Variants in ITGBL1 observed in about 807,000 individuals in gnomAD.
ITGBL1 encodes integrin beta-like protein 1.
In ITGBL1, 51 loss-of-function variants were observed where a neutral mutation model predicts 68.5. The ratio of observed to expected loss-of-function variants is 0.74; its 90% CI spans 0.59 to 0.94. ITGBL1 has a LOEUF of 0.94. Ranked by LOEUF, ITGBL1 falls within the 40% of genes least tolerant of loss-of-function variation. The pLI is 0.00. For missense variants in ITGBL1, 649 were observed against 647.4 expected (o/e 1.00, Z -0.03); for synonymous variants, 209 against 227.3 (o/e 0.92, Z 0.72).
chr13:101,711,999 G>A (rs1015672822), intron 9 of ITGBL1: 1 of 152,154 alleles, frequency 6.6e-6, no homozygotes, highest in Admixed American at 6.6e-5. Context: ...GCCTACATCT[G>A]TCTGATGGAA....
rs140000781 is a variant in ITGBL1, at chr13:101,612,740, A to T, written c.1015+14441A>T. 1.7e-3 allele frequency among the ~76,000 whole-genome samples: 258 copies of T among 152,250 alleles called. 1 individual carries two copies. The highest frequency in any genetic ancestry group is 5.9e-3 in the African/African-American group (245 of 41,552). On this transcript the variant is annotated intron_variant, in intron 7 of 10. Coordinates refer to ENST00000376180, the MANE Select transcript of ITGBL1 (RefSeq NM_004791.3). ...TTAGGAGGCCTGGAGTCTTGTGACC[A>T]CACAAGGGTATGACAGGGTGAGCAC... is the stretch of plus-strand genomic sequence containing the variant.
At chr13:101,558,364 A>G (rs1470004891) in intron 2 of ITGBL1, among the ~76,000 whole-genome samples, 1 of 152,092 alleles carries the variant, frequency 6.6e-6, no homozygotes, top group Non-Finnish European at 1.5e-5. Context: ...TTTGGATATA[A>G]TGTTCATTAT....
Position 101,546,992 on chromosome 13 carries a change from GAAAAT to G in ITGBL1, c.317-20702_317-20698del, listed in dbSNP as rs1322968405. Among the ~76,000 whole-genome samples the G allele has an allele frequency of 5.3e-5, 8 of 151,524 alleles. No homozygotes were observed. In the East Asian group the frequency reaches 1.6e-3, roughly 29 times the overall value. On this transcript the variant is annotated intron_variant, in intron 2 of 10. Transcript: ENST00000376180. ...GAAAGAAAAGAATAATAAAACCAGAGAAAATAAAACACAAAATAAAATCCTATTGA... is the reference window on the plus strand; with the variant it reads ...GAAAGAAAAGAATAATAAAACCAGAGAAAACACAAAATAAAATCCTATTGA...
chr13:101,598,360 G>T (rs1267102030), intron 7 of ITGBL1, 61 bp downstream of exon 7: 15 of 1,263,842 alleles, frequency 1.2e-5, no homozygotes, highest in Non-Finnish European at 1.6e-5. Flanking sequence ...TGAATTCAAT[G>T]CACACACATC....
chr13:101,703,327 C>G (rs1354662324), intron 8 of ITGBL1, among the ~76,000 whole-genome samples: 1 of 152,136 alleles, frequency 6.6e-6, no homozygotes, highest in Non-Finnish European at 1.5e-5. Flanking sequence ...GGGAAAGGTA[C>G]TTCTACCTCT....
chr13:101,692,709 C>G lies in ITGBL1; in HGVS notation c.1132+8C>G. On this transcript the variant is annotated splice_region_variant and intron_variant, in intron 8 of 10. Coordinates refer to ENST00000376180, the MANE Select transcript of ITGBL1 (RefSeq NM_004791.3). ...ATGGTGTGGTCTGTGGAGGTAGTAACCTTTCTCATAGCTGTATGCTACCTG... is the reference window on the plus strand; with the variant it reads ...ATGGTGTGGTCTGTGGAGGTAGTAAGCTTTCTCATAGCTGTATGCTACCTG... The G allele has an allele frequency of 6.4e-7, 1 of 1,567,864 alleles. No individual in the cohort carries two copies. The highest frequency in any genetic ancestry group is 8.8e-7 in the Non-Finnish European group (1 of 1,137,966).
intron 2 of ITGBL1, among the ~76,000 whole-genome samples, chr13:101,456,721 C>T (rs910828615): frequency 5.3e-5 from 8 of 152,126 alleles, no homozygotes; most frequent in Admixed American, 5.2e-4. Flanking sequence ...CAAGACTAGC[C>T]TGGAGAACAT....
At chr13:101,541,456 A>G (rs1052256480) in intron 2 of ITGBL1, among the ~76,000 whole-genome samples, 1 of 152,182 alleles carries the variant, frequency 6.6e-6, no homozygotes, top group Non-Finnish European at 1.5e-5. Context: ...TTGGTTTGCC[A>G]GTATTTTATT....
intron 9 of ITGBL1, chr13:101,711,124 C>T (rs2034445446): frequency 6.6e-6 from 1 of 152,220 alleles, no homozygotes; most frequent in Non-Finnish European, 1.5e-5. Flanking sequence ...GCTACCTTTG[C>T]AAAGTACATG....
intron 2 of ITGBL1, among the ~76,000 whole-genome samples, chr13:101,535,812 C>T (rs987064082): frequency 1.3e-5 from 2 of 152,016 alleles, no homozygotes; most frequent in African/African-American, 4.8e-5. Context: ...TTTTGCAATT[C>T]GAATCTCTTC....
At chr13:101,707,721 C>T (rs567486118) in intron 9 of ITGBL1, among the ~76,000 whole-genome samples, 1 of 151,802 alleles carries the variant, frequency 6.6e-6, no homozygotes, top group Admixed American at 6.6e-5. Flanking sequence ...GGCATTGTGG[C>T]TCACACCTGT....
chr13:101,580,161 A>G (rs568614122), intron 5 of ITGBL1, among the ~76,000 whole-genome samples: 3 of 152,242 alleles, frequency 2.0e-5, no homozygotes, highest in Non-Finnish European at 4.4e-5. Context: ...AATGGCATTA[A>G]AAAGTGATTA....
At chr13:101,555,683 TTTGTG>T (rs1490968251) in intron 2 of ITGBL1, among the ~76,000 whole-genome samples, 1 of 58,968 alleles carries the variant, frequency 1.7e-5, no homozygotes, top group African/African-American at 6.9e-5. Flanking sequence ...ATTTAAGTGT[TTTGTG>T]TGTGTGTGTA....
chr13:101,457,774 C>A (rs1003411273), intron 2 of ITGBL1, among the ~76,000 whole-genome samples: 2 of 151,956 alleles, frequency 1.3e-5, no homozygotes, highest in Non-Finnish European at 2.9e-5. Flanking sequence ...CAAGATTGCG[C>A]CATTGCACTC....
intron 2 of ITGBL1, among the ~76,000 whole-genome samples, chr13:101,559,343 T>G: frequency 6.6e-6 from 1 of 152,210 alleles, no homozygotes; most frequent in East Asian, 1.9e-4. Flanking sequence ...TTGGGGCTAT[T>G]CAATCCAATC....
At chr13:101,692,787 A>T in intron 8 of ITGBL1, 86 bp downstream of exon 8, 1 of 832,224 alleles carries the variant, frequency 1.2e-6, no homozygotes, top group African/African-American at 1.7e-5. Flanking sequence ...TGCTTTTTCA[A>T]TTGCTGTTAA....
intron 10 of ITGBL1, 31 bp from the exon 11 acceptor site, chr13:101,715,531 TA>T: frequency 6.8e-7 from 1 of 1,464,816 alleles, no homozygotes; most frequent in Non-Finnish European, 9.6e-7. Flanking sequence ...ATTTTGATCA[TA>T]ATCATGATAC....
At chr13:101,666,209 G>A (rs568224311) in intron 7 of ITGBL1, among the ~76,000 whole-genome samples, 1 of 152,196 alleles carries the variant, frequency 6.6e-6, no homozygotes, top group African/African-American at 2.4e-5. Context: ...GAACAGCCGG[G>A]CAGCCCCTGG....
At chr13:101,491,686 T>G (rs1299924221) in intron 2 of ITGBL1, among the ~76,000 whole-genome samples, 1 of 152,198 alleles carries the variant, frequency 6.6e-6, no homozygotes, top group Non-Finnish European at 1.5e-5. Flanking sequence ...GCAGGTTTGT[T>G]ACATAGGTAT....
Sources: allele counts gnomAD v4.1 joint callset (sites outside exome capture counted in the v4.1 genomes callset), GRCh38; gene constraint gnomAD v4.1.1; transcripts MANE v1.5; gene names NCBI Gene and HGNC (gene_info 2026-07-23, HGNC 2026-07-21).